SEMA3C: variants seen among roughly 807,000 people sequenced by gnomAD.
The protein encoded by SEMA3C is semaphorin-3C.
In SEMA3C, 47 loss-of-function variants were observed where a neutral mutation model predicts 89.4. The observed-to-expected ratio is 0.53, with a 90% CI of 0.42 to 0.67. SEMA3C has a LOEUF of 0.67. Among genes scored for constraint, SEMA3C ranks in the 30% least tolerant of loss-of-function variants. The pLI, the probability that SEMA3C is intolerant of heterozygous loss-of-function variation, is 0.00. For missense variants in SEMA3C, 839 were observed against 929.1 expected, an observed-to-expected ratio of 0.90 and a Z score of 1.26; for synonymous variants, 310 against 320.2, an observed-to-expected ratio of 0.97 and a Z score of 0.34.
intron 2 of SEMA3C, among the ~76,000 whole-genome samples, chr7:80,894,040 T>C (rs1791676565): frequency 2.0e-5 from 3 of 152,174 alleles, no homozygotes; most frequent in Non-Finnish European, 2.9e-5. Context: ...ACTAGTTCTA[T>C]TTCCCAAGGA....
At chr7:80,829,436 T>C (rs1471932242) in intron 2 of SEMA3C, among the ~76,000 whole-genome samples, 1 of 152,144 alleles carries the variant, frequency 6.6e-6, no homozygotes, top group African/African-American at 2.4e-5. Flanking sequence ...ATTAATGTTT[T>C]ATTTTTGGAC....
intron 2 of SEMA3C, among the ~76,000 whole-genome samples, chr7:80,901,839 A>G (rs886120809): frequency 6.6e-6 from 1 of 152,230 alleles, no homozygotes; most frequent in African/African-American, 2.4e-5. Context: ...CTCCCACAAA[A>G]AAGTTATTTT....
chr7:80,815,534 C>A (rs1789581309), intron 5 of SEMA3C, among the ~76,000 whole-genome samples: 5 of 85,854 alleles, frequency 5.8e-5, no homozygotes, highest in Admixed American at 1.4e-4. Context: ...GAAAGAAACC[C>A]AATCCTTTCT....
At chr7:80,797,972 TG>T in intron 11 of SEMA3C, 119 bp downstream of exon 11, 2 of 969,250 alleles carry the variant, frequency 2.1e-6, no homozygotes, top group Non-Finnish European at 3.0e-6. Flanking sequence ...CATTCCACCC[TG>T]GGCAACAGAG....
chr7:80,792,095 G>C (rs1788954947), intron 11 of SEMA3C, among the ~76,000 whole-genome samples: 1 of 152,096 alleles, frequency 6.6e-6, no homozygotes, highest in Non-Finnish European at 1.5e-5. Context: ...CCATTAACTA[G>C]ACTTTCATCT....
chr7:80,875,183 A>T (rs1269761901), intron 2 of SEMA3C, among the ~76,000 whole-genome samples: 1 of 152,122 alleles, frequency 6.6e-6, no homozygotes, highest in Non-Finnish European at 1.5e-5. Flanking sequence ...TAAGTGTTCA[A>T]GTCTTTTTAA....
chr7:80,850,360 G>A (rs753319688), intron 2 of SEMA3C, among the ~76,000 whole-genome samples: 7 of 152,076 alleles, frequency 4.6e-5, no homozygotes, highest in East Asian at 3.9e-4. Flanking sequence ...GTTCTAAAAC[G>A]GAAATGGTAT....
At chr7:80,860,130 T>G (rs1439464524) in intron 2 of SEMA3C, among the ~76,000 whole-genome samples, 1 of 152,134 alleles carries the variant, frequency 6.6e-6, no homozygotes. Context: ...ACTAGTGTTT[T>G]TATCCTACTT....
At chr7:80,746,630 A>G (rs192979190) in intron 17 of SEMA3C, among the ~76,000 whole-genome samples, 1 of 151,938 alleles carries the variant, frequency 6.6e-6, no homozygotes, top group East Asian at 1.9e-4. Flanking sequence ...ATGGCTTTGA[A>G]AAAAAACACT....
chr7:80,855,067 A>G (rs1260296401), intron 2 of SEMA3C, among the ~76,000 whole-genome samples: 1 of 152,190 alleles, frequency 6.6e-6, no homozygotes, highest in Non-Finnish European at 1.5e-5. Flanking sequence ...TATATTCATA[A>G]GCAATATTTC....
intron 2 of SEMA3C, among the ~76,000 whole-genome samples, chr7:80,852,821 G>C (rs986536625): frequency 6.6e-6 from 1 of 151,862 alleles, no homozygotes; most frequent in East Asian, 1.9e-4. Flanking sequence ...TGGGACTACA[G>C]GTGCCCACCA....
intron 2 of SEMA3C, among the ~76,000 whole-genome samples, chr7:80,907,538 T>A (rs1401961680): frequency 2.0e-5 from 3 of 152,008 alleles, no homozygotes; most frequent in Admixed American, 1.3e-4. Context: ...ACCAACAAAG[T>A]TGGAGGCTTT....
At position 80,745,344 on chromosome 7, in the gene SEMA3C, C is replaced by T. The variant is rs371789008; in HGVS notation, c.1843-37G>A. 25 of 1,568,628 alleles carry T rather than the reference C, an allele frequency of 1.6e-5. No individual in the cohort carries two copies. In the African/African-American group the frequency reaches 2.6e-4, roughly 16 times the overall value. On this transcript the variant is annotated intron_variant, in intron 17 of 17. Coordinates refer to ENST00000265361, the MANE Select transcript of SEMA3C (RefSeq NM_006379.5). ...ACAAATTAAAGTTACTGAAACTGAA[C>T]ATTATATTTCCTTAGATTATGACCA...
At chr7:80,784,382 T>A (rs541694232) in intron 12 of SEMA3C, among the ~76,000 whole-genome samples, 10 of 152,196 alleles carry the variant, frequency 6.6e-5, no homozygotes, top group Non-Finnish European at 1.3e-4. Context: ...GATTTTTTTT[T>A]TATAGACAGT....
intron 5 of SEMA3C, among the ~76,000 whole-genome samples, chr7:80,811,618 A>T (rs1299227575): frequency 2.0e-5 from 3 of 152,182 alleles, no homozygotes; most frequent in African/African-American, 7.2e-5. Context: ...TCAAGCTAAG[A>T]TTTTTGAAAG....
At chr7:80,746,845 A>G (rs1488910647) in intron 17 of SEMA3C, among the ~76,000 whole-genome samples, 3 of 152,024 alleles carry the variant, frequency 2.0e-5, no homozygotes, top group Admixed American at 2.0e-4. Flanking sequence ...GTTTTATTCC[A>G]TAAGTATTAG....
intron 2 of SEMA3C, among the ~76,000 whole-genome samples, chr7:80,873,162 C>T (rs1791111826): frequency 1.3e-5 from 2 of 152,102 alleles, no homozygotes. Flanking sequence ...AAAAAGCGTA[C>T]AGGGCCCAAA....
At chr7:80,869,005 C>G (rs1790994328) in intron 2 of SEMA3C, among the ~76,000 whole-genome samples, 3 of 152,196 alleles carry the variant, frequency 2.0e-5, no homozygotes, top group South Asian at 4.1e-4. Flanking sequence ...GTCCTAAAAA[C>G]CTAAATTAGG....
chr7:80,764,016 C>T (rs1239917295), intron 13 of SEMA3C, among the ~76,000 whole-genome samples: 3 of 152,076 alleles, frequency 2.0e-5, no homozygotes, highest in Non-Finnish European at 4.4e-5. Context: ...TGCCAGAGTT[C>T]CTCAAATTTA....
Sources: gnomAD v4.1 joint callset for allele counts (sites outside exome capture counted in the v4.1 genomes callset) on GRCh38, gnomAD v4.1.1 for gene constraint, MANE v1.5 for transcripts, NCBI Gene and HGNC (gene_info 2026-07-23, HGNC 2026-07-21) for gene names.